Variants in ADGRG5 observed in about 807,000 individuals in gnomAD.
ADGRG5 encodes G protein-coupled receptor 114.
ADGRG5 carries 37 observed loss-of-function variants against 53.2 expected under a neutral mutation model. The observed-to-expected ratio is 0.70, with a 90% CI of 0.53 to 0.91. ADGRG5 has a LOEUF of 0.91. ADGRG5 is among the 40% of genes least tolerant of loss of function. The pLI, the probability that ADGRG5 is intolerant of heterozygous loss-of-function variation, is 0.00. For synonymous variants in ADGRG5, 277 were observed against 290.4 expected (o/e 0.95, Z 0.47); for missense variants, 614 against 675.8 (o/e 0.91, Z 1.01).
intron 1 of ADGRG5, among the ~76,000 whole-genome samples, chr16:57,557,873 G>A (rs1223497545): frequency 1.3e-5 from 2 of 152,230 alleles, no homozygotes; most frequent in Non-Finnish European, 2.9e-5. Context: ...GTTCTTAGAG[G>A]TTTACCTTTT....
the ADGRG5 span, among the ~76,000 whole-genome samples, chr16:57,532,689 A>G: frequency 0.024 from 3,078 of 129,868 alleles, 44 homozygotes; most frequent in Admixed American, 0.029. Context: ...CTCATCCCCA[A>G]GTGAAGCAGA....
chr16:57,575,361 G>A, intron 11 of ADGRG5, 77 bp from the exon 12 acceptor site: 2 of 1,386,016 alleles, frequency 1.4e-6, no homozygotes, highest in Non-Finnish European at 2.0e-6. Context: ...AGGGAGGCCA[G>A]CTCGCTGCAG....
At chr16:57,546,688 A>C (rs1169798794) in intron 1 of ADGRG5, among the ~76,000 whole-genome samples, 1 of 151,840 alleles carries the variant, frequency 6.6e-6, no homozygotes, top group African/African-American at 2.4e-5. Flanking sequence ...AGCTAGAAAA[A>C]CCTTCCCCAC....
At position 57,562,943 on chromosome 16, in the gene ADGRG5, C is replaced by T. The variant is rs879713656; in HGVS notation, c.141-148C>T. 7.0e-6 allele frequency: 5 copies of T among 709,972 alleles called. 1 individual carries two copies. The highest frequency in any genetic ancestry group is 1.2e-5 in the Non-Finnish European group (5 of 410,556). The allele number at this position is 709,972 out of a possible 1,614,324, so 44.0% of individuals were successfully genotyped here. ...GATGGGGTAGGGAGGTAACAGTGTG[C>T]CAAGGACACTGTGTGTGCAGTGGTC... is the stretch of plus-strand genomic sequence containing the variant. On this transcript the variant is annotated intron_variant, in intron 3 of 11. Transcript: ENST00000349457.
At chr16:57,539,312 G>A (rs55853166), upstream of ADGRG5, among the ~76,000 whole-genome samples, 1 of 152,188 alleles carries the variant, frequency 6.6e-6, no homozygotes, top group Admixed American at 6.5e-5. Flanking sequence ...TGATTGCTAA[G>A]GGCTTGGGGG....
intron 10 of ADGRG5, among the ~76,000 whole-genome samples, chr16:57,571,660 T>TTC (rs1555523673): frequency 2.0e-5 from 3 of 149,638 alleles, no homozygotes; most frequent in Non-Finnish European, 4.5e-5. Flanking sequence ...TTTTTTCTTT[T>TTC]TTTTTTTTTT....
In ADGRG5 at chr16:57,563,955, C is replaced by A; in HGVS notation, c.405C>A (p.Tyr135Ter). The A allele has an allele frequency of 6.2e-7, 1 of 1,613,712 alleles. No homozygotes were observed. Among genetic ancestry groups the A allele is most frequent in the Non-Finnish European group, 8.5e-7 (1 of 1,179,690 alleles). The stretch of plus-strand genomic sequence containing the variant: ...GGGAGCTGCGGCTCATCTGTATCTA[C>A]TTCTCCAACACCCACTTTTTCAAGG... ...RPRELRLICI[Y>*]FSNTHFFKDE... is the part of the protein sequence containing the mutation. The change falls in exon 5 of 12, where the codon TAC (tyrosine) becomes TAA (stop). Residue 135 changes from tyrosine (Y) to a stop codon, truncating the protein, a stop_gained. Transcript: ENST00000349457. LOFTEE classifies it high-confidence loss of function.
chr16:57,548,966 G>T (rs2146759809), intron 1 of ADGRG5, among the ~76,000 whole-genome samples: 1 of 152,254 alleles, frequency 6.6e-6, no homozygotes, highest in South Asian at 2.1e-4. Flanking sequence ...AAGCCCAAGA[G>T]TGCAATTATT....
chr16:57,566,669 C>G lies in ADGRG5; in HGVS notation c.617C>G (p.Pro206Arg). ...AAACAGCCCTGGGGGGGCTGGAGCC[C>G]TGAGGGCTGTCGTACAGAGCAGCCC... is the stretch of plus-strand genomic sequence containing the variant. ...ARKQPWGGWS[P>R]EGCRTEQPSH... Residue 206 changes from proline (P) to arginine (R), a missense_variant, in exon 7 of 12, where the codon CCT becomes CGT. Transcript: ENST00000349457. The G allele has an allele frequency of 6.3e-7, 1 of 1,594,096 alleles. No individual in the cohort carries two copies. Among genetic ancestry groups the G allele is most frequent in the Admixed American group, 1.8e-5 (1 of 56,592 alleles).
At chr16:57,545,854 C>T (rs1340163734) in intron 1 of ADGRG5, among the ~76,000 whole-genome samples, 1 of 152,148 alleles carries the variant, frequency 6.6e-6, no homozygotes, top group Non-Finnish European at 1.5e-5. Context: ...GAGACAGAGT[C>T]TTGCTCTGTC....
At chr16:57,550,080 A>G (rs1049897714) in intron 1 of ADGRG5, among the ~76,000 whole-genome samples, 1 of 152,142 alleles carries the variant, frequency 6.6e-6, no homozygotes, top group African/African-American at 2.4e-5. Context: ...GGGTTGAAGC[A>G]ATTCTCCTGC....
intron 1 of ADGRG5, among the ~76,000 whole-genome samples, chr16:57,561,080 A>C (rs1439207917): frequency 6.6e-6 from 1 of 152,244 alleles, no homozygotes; most frequent in Non-Finnish European, 1.5e-5. Flanking sequence ...TGCCTGGCCA[A>C]CAATCGCTGT....
the ADGRG5 span, among the ~76,000 whole-genome samples, chr16:57,535,492 T>A: frequency 6.6e-6 from 1 of 152,076 alleles, no homozygotes; most frequent in Non-Finnish European, 1.5e-5. Context: ...ATGGGATGCC[T>A]CCTCTTCTGG....
chr16:57,533,688 T>A, the ADGRG5 span, among the ~76,000 whole-genome samples: 2 of 148,232 alleles, frequency 1.3e-5, no homozygotes, highest in Non-Finnish European at 3.0e-5. Context: ...ACAGCCCCAG[T>A]AACGTGCACA....
upstream of ADGRG5, among the ~76,000 whole-genome samples, chr16:57,541,739 G>C (rs1426273014): frequency 6.6e-6 from 1 of 152,046 alleles, no homozygotes; most frequent in Non-Finnish European, 1.5e-5. Flanking sequence ...ATGGGGCCCA[G>C]GCAAGAGAGA....
At chr16:57,565,684 GC>G (rs1199974033) in intron 6 of ADGRG5, 2 of 156,588 alleles carry the variant, frequency 1.3e-5, no homozygotes, top group Non-Finnish European at 2.8e-5. Flanking sequence ...CTGTCACTGT[GC>G]CCAGGGGGAT....
intron 10 of ADGRG5, among the ~76,000 whole-genome samples, chr16:57,571,010 G>C (rs984170439): frequency 1.3e-5 from 2 of 152,196 alleles, no homozygotes; most frequent in Non-Finnish European, 2.9e-5. Flanking sequence ...GACAAAGAGA[G>C]GCAGCGAGGT....
At chr16:57,558,259 G>A (rs2032925971) in intron 1 of ADGRG5, among the ~76,000 whole-genome samples, 10 of 152,180 alleles carry the variant, frequency 6.6e-5, no homozygotes, top group Admixed American at 6.5e-4. Flanking sequence ...ATGAGCCACA[G>A]TGCCCAGCTG....
At chr16:57,556,661 TC>T (rs1264952953) in intron 1 of ADGRG5, among the ~76,000 whole-genome samples, 2 of 152,188 alleles carry the variant, frequency 1.3e-5, no homozygotes, top group Non-Finnish European at 2.9e-5. Flanking sequence ...GACACTGTGA[TC>T]CCCACAATGC....
Sources: gnomAD v4.1 joint callset for allele counts (sites outside exome capture counted in the v4.1 genomes callset) on GRCh38, gnomAD v4.1.1 for gene constraint, MANE v1.5 for transcripts, NCBI Gene and HGNC (gene_info 2026-07-23, HGNC 2026-07-21) for gene names.